SRPK2: variants seen among roughly 807,000 people sequenced by gnomAD.
SRPK2 encodes SRSF protein kinase 2, also known as SFRS protein kinase 2.
SRPK2 carries 21 observed loss-of-function variants against 90.8 expected under a neutral mutation model. The observed-to-expected ratio is 0.23, with a 90% CI of 0.16 to 0.33. The LOEUF (loss-of-function observed/expected upper bound fraction) is 0.33. Among genes scored for constraint, SRPK2 ranks in the 10% least tolerant of loss-of-function variants. The pLI is 1.00. For missense variants in SRPK2, 620 were observed against 869.0 expected, an observed-to-expected ratio of 0.71 and a Z score of 3.60; for synonymous variants, 288 against 311.1, an observed-to-expected ratio of 0.93 and a Z score of 0.78.
At chr7:105,378,383 C>A (rs531518399) in intron 2 of SRPK2, among the ~76,000 whole-genome samples, 1 of 152,080 alleles carries the variant, frequency 6.6e-6, no homozygotes, top group African/African-American at 2.4e-5. Context: ...GAAAAACTTA[C>A]GACACAATAT....
intron 2 of SRPK2, among the ~76,000 whole-genome samples, chr7:105,323,967 T>TGTGTGTGTGTGTG (rs1813232169): frequency 1.4e-4 from 19 of 133,898 alleles, no homozygotes; most frequent in African/African-American, 5.2e-4. Flanking sequence ...AGACTATTCT[T>TGTGTGTGTGTGTG]TGTGTGTGTG....
At chr7:105,212,648 A>G (rs1796997258) in intron 2 of SRPK2, among the ~76,000 whole-genome samples, 1 of 152,248 alleles carries the variant, frequency 6.6e-6, no homozygotes, top group Non-Finnish European at 1.5e-5. Flanking sequence ...CCATAGAAAC[A>G]AGGATTAGCT....
At chr7:105,301,260 G>A (rs1434024366) in intron 2 of SRPK2, among the ~76,000 whole-genome samples, 2 of 146,590 alleles carry the variant, frequency 1.4e-5, no homozygotes, top group East Asian at 2.0e-4. Context: ...TGGCTAACAC[G>A]TGAAACCCCG....
chr7:105,145,210 T>C, intron 9 of SRPK2, 73 bp downstream of exon 9: 1 of 1,241,236 alleles, frequency 8.1e-7, no homozygotes. Context: ...AACTTTTTTA[T>C]AATTTGAACA....
At chr7:105,368,884 CA>C (rs5886350) in intron 2 of SRPK2, among the ~76,000 whole-genome samples, 68,924 of 93,006 alleles carry the variant, frequency 0.74, 25,363 homozygotes, top group Non-Finnish European at 0.81. Context: ...AACTCTATCT[CA>C]AAAAAAAAAA....
chr7:105,159,463 A>AAAAAAAAAAAAAC (rs1807153359), intron 7 of SRPK2, among the ~76,000 whole-genome samples: 1 of 146,520 alleles, frequency 6.8e-6, no homozygotes, highest in African/African-American at 2.6e-5. Flanking sequence ...AAAAAAAAAA[A>AAAAAAAAAAAAAC]AAAAAAAAAA....
chr7:105,225,025 GC>G (rs1379053059), intron 2 of SRPK2, among the ~76,000 whole-genome samples: 1 of 152,064 alleles, frequency 6.6e-6, no homozygotes, highest in Non-Finnish European at 1.5e-5. Flanking sequence ...CTAGAAGACT[GC>G]CACCATCAAA....
At chr7:105,203,893 TAAG>T in intron 2 of SRPK2, 108 bp from the exon 3 acceptor site, 3 of 1,305,676 alleles carry the variant, frequency 2.3e-6, no homozygotes, top group South Asian at 1.4e-5. Flanking sequence ...TGTCACATAC[TAAG>T]AAGAAATGTC....
chr7:105,389,114 C>T, upstream of SRPK2: 1 of 982,594 alleles, frequency 1.0e-6, no homozygotes, highest in Non-Finnish European at 1.2e-6. Context: ...GGCCCTCGGC[C>T]TCCCCCACCC....
At chr7:105,229,537 C>T (rs1009574907) in intron 2 of SRPK2, among the ~76,000 whole-genome samples, 2 of 152,116 alleles carry the variant, frequency 1.3e-5, no homozygotes, top group East Asian at 3.9e-4. Context: ...TTTATTATAT[C>T]AAATACGTAG....
intron 2 of SRPK2, among the ~76,000 whole-genome samples, chr7:105,251,300 C>A (rs901505739): frequency 6.6e-6 from 1 of 152,162 alleles, no homozygotes; most frequent in Non-Finnish European, 1.5e-5. Flanking sequence ...CTAGAGAAGT[C>A]TTTCATTTAT....
chr7:105,383,879 A>G (rs961327775), intron 2 of SRPK2, among the ~76,000 whole-genome samples: 2 of 152,238 alleles, frequency 1.3e-5, no homozygotes, highest in Non-Finnish European at 2.9e-5. Flanking sequence ...CACATACTGT[A>G]TATTCCATTT....
At position 105,170,983 on chromosome 7, in the gene SRPK2, GAAAGAAAGAA is replaced by G. The variant is rs1791026299; in HGVS notation, c.230-1728_230-1719del. 7.7e-5 allele frequency among the ~76,000 whole-genome samples: 9 copies of G among 116,720 alleles called. 1 individual carries two copies. The highest frequency in any genetic ancestry group is 7.7e-4 in the Admixed American group (8 of 10,424). 76.6% of individuals were successfully genotyped at this position (116,720 alleles called of 152,430 possible). On this transcript the variant is annotated intron_variant, in intron 3 of 15. Coordinates refer to ENST00000393651, the MANE Select transcript of SRPK2 (RefSeq NM_182692.3). ...AGAAAGAAAGAGAAAGAAAGAGAAA[GAAAGAAAGAA>G]AGAGAAAGAAAGAAAGAAAGAGAGG...
chr7:105,360,734 C>T (rs547686354), intron 2 of SRPK2, among the ~76,000 whole-genome samples: 4 of 152,274 alleles, frequency 2.6e-5, no homozygotes, highest in African/African-American at 4.8e-5. Flanking sequence ...CCGAGAGATC[C>T]GCCGTTAGTC....
intron 2 of SRPK2, among the ~76,000 whole-genome samples, chr7:105,368,012 A>T (rs1237249620): frequency 6.6e-6 from 1 of 152,196 alleles, no homozygotes. Flanking sequence ...AGGAGAGTAC[A>T]GTTACAAAGC....
intron 6 of SRPK2, 94 bp from the exon 7 acceptor site, chr7:105,160,707 T>C (rs1807486904): frequency 3.0e-6 from 2 of 675,180 alleles, no homozygotes; most frequent in Admixed American, 4.7e-5. Flanking sequence ...AAGCACTTAT[T>C]ACTTTATAAA....
intron 3 of SRPK2, among the ~76,000 whole-genome samples, chr7:105,194,924 G>A (rs1021694047): frequency 1.3e-5 from 2 of 151,998 alleles, no homozygotes; most frequent in African/African-American, 4.8e-5. Flanking sequence ...AATAGGTGGG[G>A]GAACAAGTCT....
intron 3 of SRPK2, among the ~76,000 whole-genome samples, 162 bp downstream of exon 3, chr7:105,203,466 C>CAATGACCTAAG (rs1795814283): frequency 6.6e-6 from 1 of 152,176 alleles, no homozygotes; most frequent in Non-Finnish European, 1.5e-5. Flanking sequence ...AGTCTCTATA[C>CAATGACCTAAG]AATGACCTAA....
At chr7:105,118,820 A>G (rs1799925135) in intron 15 of SRPK2, among the ~76,000 whole-genome samples, 1 of 152,084 alleles carries the variant, frequency 6.6e-6, no homozygotes, top group Admixed American at 6.5e-5. Flanking sequence ...CTGAGGCAGG[A>G]GCATTGCTTG....
Sources: allele counts gnomAD v4.1 joint callset (sites outside exome capture counted in the v4.1 genomes callset), GRCh38; gene constraint gnomAD v4.1.1; transcripts MANE v1.5; gene names NCBI Gene and HGNC (gene_info 2026-07-23, HGNC 2026-07-21).